Variants in TSPEAR observed in about 807,000 individuals in gnomAD.
TSPEAR encodes thrombospondin type laminin G domain and EAR repeats.
In TSPEAR, 69 loss-of-function variants were observed where a neutral mutation model predicts 71.6. The ratio of observed to expected loss-of-function variants is 0.96; its 90% CI spans 0.79 to 1.18. The LOEUF is 1.18. Among genes scored for constraint, TSPEAR ranks in the 50% most tolerant of loss-of-function variants. The pLI, the probability that TSPEAR is intolerant of heterozygous loss-of-function variation, is 0.00. For missense variants in TSPEAR, 971 were observed against 894.9 expected (o/e 1.09, Z -1.09); for synonymous variants, 402 against 387.2 (o/e 1.04, Z -0.45).
Position 44,520,808 on chromosome 21 carries a change from G to C in TSPEAR, c.1566+1075C>G, listed in dbSNP as rs1601354083. ...TTCCAGAATGCCTTCAATCATTTCA[G>C]CCATAAAGCCCCACCCACCACATGC... On this transcript the variant is annotated intron_variant, in intron 9 of 11. Transcript: ENST00000323084. The surrounding 1 kb of genome is among the most constrained non-coding windows in gnomAD (Gnocchi z 4.2). 1 of 152,386 alleles carries C rather than the reference G, an allele frequency of 6.6e-6. No homozygotes were observed. Among genetic ancestry groups the C allele is most frequent in the East Asian group, 1.9e-4 (1 of 5,186 alleles). 9.4% of individuals were successfully genotyped at this position (152,386 alleles called of 1,614,324 possible).
intron 1 of TSPEAR, among the ~76,000 whole-genome samples, chr21:44,699,758 C>A (rs934743049): frequency 2.6e-5 from 4 of 152,226 alleles, no homozygotes; most frequent in African/African-American, 9.6e-5. Flanking sequence ...CAACCAGGTG[C>A]CTCCCCTGGG....
At chr21:44,605,720 A>G (rs941868534) in intron 1 of TSPEAR, among the ~76,000 whole-genome samples, 3 of 152,254 alleles carry the variant, frequency 2.0e-5, no homozygotes, top group African/African-American at 7.2e-5. Flanking sequence ...ACTCTTCAAT[A>G]ATCAGTGTTG....
At chr21:44,533,966 G>A (rs2053030631) in intron 2 of TSPEAR, 43 bp from the exon 3 acceptor site, 1 of 1,461,570 alleles carries the variant, frequency 6.8e-7, no homozygotes, top group South Asian at 1.2e-5. Flanking sequence ...TGGGGGTAGG[G>A]GTCGGGTGCG....
intron 1 of TSPEAR, chr21:44,676,048 C>T: frequency 1.1e-6 from 1 of 890,152 alleles, no homozygotes; most frequent in African/African-American, 1.6e-5. Context: ...GATCACCATG[C>T]TCAATGCAAT....
intron 2 of TSPEAR, among the ~76,000 whole-genome samples, chr21:44,542,765 GAAAAGAAAAAAGA>G (rs2053243118): frequency 7.2e-6 from 1 of 138,346 alleles, no homozygotes. Context: ...AAAAGAAAAA[GAAAAGAAAAAAGA>G]AAAAGAAAAA....
At chr21:44,702,811 C>T in intron 1 of TSPEAR, 1 of 1,151,226 alleles carries the variant, frequency 8.7e-7, no homozygotes, top group Non-Finnish European at 1.3e-6. Flanking sequence ...ACGGGCACGT[C>T]CCCCAGGGCC....
intron 1 of TSPEAR, among the ~76,000 whole-genome samples, chr21:44,706,438 T>C (rs1393909183): frequency 2.0e-5 from 3 of 149,778 alleles, no homozygotes; most frequent in Admixed American, 6.6e-5. Flanking sequence ...CACACCCACG[T>C]GCGCACCCAC....
chr21:44,561,640 G>A lies in TSPEAR; in HGVS notation c.303+6145C>T, dbSNP rs147447223. On this transcript the variant is annotated intron_variant, in intron 2 of 11. Coordinates refer to ENST00000323084, the MANE Select transcript of TSPEAR (RefSeq NM_144991.3). ...CGAAAAGCTTATACACCACAATCAA[G>A]TCAGCTTCATCCCTAGGATGCAAAG... is the stretch of plus-strand genomic sequence containing the variant. Among the ~76,000 whole-genome samples the A allele has an allele frequency of 5.2e-3, 785 of 152,268 alleles. 7 individuals are homozygous for A. The highest frequency in any genetic ancestry group is 0.018 in the African/African-American group (753 of 41,544).
In TSPEAR at chr21:44,551,551, C is replaced by G. The variant is rs1474728699; in HGVS notation, c.303+16234G>C. 5 of 1,441,498 alleles carry G rather than the reference C, an allele frequency of 3.5e-6. No individual in the cohort carries two copies. The East Asian group carries it at 1.3e-4, about 36-fold the overall frequency. The allele number at this position is 1,441,498 out of a possible 1,614,324, so 89.3% of individuals were successfully genotyped here. Reference sequence around the variant, plus strand: ...GTGAGTGTGTGTGTGAGCCTGTTGGCTGCTGGGGCTTTTATATGCCCAGGG... The same window carrying G: ...GTGAGTGTGTGTGTGAGCCTGTTGGGTGCTGGGGCTTTTATATGCCCAGGG... On this transcript the variant is annotated intron_variant, in intron 2 of 11. Coordinates refer to ENST00000323084, the MANE Select transcript of TSPEAR (RefSeq NM_144991.3).
intron 1 of TSPEAR, chr21:44,657,801 G>C (rs1014877609): frequency 1.6e-6 from 1 of 628,962 alleles, no homozygotes; most frequent in African/African-American, 1.8e-5. Flanking sequence ...AGCATGACGC[G>C]GGAAAGTACA....
At chr21:44,526,716 A>G (rs1478933629) in intron 7 of TSPEAR, among the ~76,000 whole-genome samples, 12 of 152,334 alleles carry the variant, frequency 7.9e-5, no homozygotes, top group African/African-American at 2.9e-4. Flanking sequence ...ATGGCTGTGT[A>G]GAGTCCAGGG....
chr21:44,510,397 G>T (rs1439154680), intron 9 of TSPEAR, among the ~76,000 whole-genome samples: 1 of 152,222 alleles, frequency 6.6e-6, no homozygotes, highest in Non-Finnish European at 1.5e-5. Context: ...GTAAGAAGCA[G>T]CTCTGAGAGC....
intron 1 of TSPEAR, chr21:44,591,769 C>G: frequency 6.3e-7 from 1 of 1,579,010 alleles, no homozygotes. Flanking sequence ...GGTGGGCACA[C>G]AGCACACAGG....
chr21:44,521,859 C>T lies in TSPEAR; in HGVS notation c.1566+24G>A, dbSNP rs587662546. The T allele has an allele frequency of 1.6e-5, 25 of 1,604,796 alleles. No homozygotes were observed. In the Middle Eastern group the frequency reaches 6.7e-4, roughly 43 times the overall value. On this transcript the variant is annotated intron_variant, in intron 9 of 11. Transcript: ENST00000323084. ...GACGCAGTGGCCAGCAATGGAGAGC[C>T]GGGGCTCATGCGGGGGGCCTTACCG... is the stretch of plus-strand genomic sequence containing the variant.
At chr21:44,624,238 A>G (rs1480466357) in intron 1 of TSPEAR, among the ~76,000 whole-genome samples, 1 of 152,154 alleles carries the variant, frequency 6.6e-6, no homozygotes, top group African/African-American at 2.4e-5. Context: ...CATTTCCAGA[A>G]TTTCTGTTTG....
intron 1 of TSPEAR, among the ~76,000 whole-genome samples, chr21:44,631,957 G>C (rs1983281803): frequency 6.6e-6 from 1 of 152,190 alleles, no homozygotes; most frequent in Non-Finnish European, 1.5e-5. Context: ...AATGGGGACA[G>C]AGTTTCAGTT....
At chr21:44,540,916 T>C (rs1383897236) in intron 2 of TSPEAR, among the ~76,000 whole-genome samples, 1 of 152,170 alleles carries the variant, frequency 6.6e-6, no homozygotes, top group Non-Finnish European at 1.5e-5. Context: ...TTAAAGGCCA[T>C]AGCTTTATGA....
intron 1 of TSPEAR, among the ~76,000 whole-genome samples, chr21:44,594,611 C>T (rs1206151494): frequency 2.6e-5 from 4 of 152,066 alleles, no homozygotes; most frequent in African/African-American, 9.7e-5. Context: ...TTCAGTTCCT[C>T]CTTCGTGAAT....
intron 1 of TSPEAR, chr21:44,574,784 A>G (rs879956299): frequency 5.6e-6 from 9 of 1,609,676 alleles, no homozygotes; most frequent in African/African-American, 5.5e-5. Flanking sequence ...GCTGCCAGCA[A>G]TCTAGCTGCC....
Sources: gnomAD v4.1 joint callset for allele counts (sites outside exome capture counted in the v4.1 genomes callset) on GRCh38, gnomAD v4.1.1 for gene constraint, Gnocchi (gnomAD v3.1) non-coding constraint, MANE v1.5 for transcripts, NCBI Gene and HGNC (gene_info 2026-07-23, HGNC 2026-07-21) for gene names.